The following BPHL variants were observed in gnomAD, a reference collection of about 807,000 sequenced individuals.
The protein encoded by BPHL is serine hydrolase BPHL.
Under a neutral mutation model 31.2 loss-of-function variants are expected in BPHL, and 27 were observed. The observed-to-expected ratio is 0.87, with a 90% CI of 0.64 to 1.19. BPHL has a LOEUF of 1.19. BPHL is among the 50% of genes most tolerant of loss of function. The probability of loss-of-function intolerance (pLI) is 0.00; values close to 1 mark genes in which losing one functional copy is unlikely to be tolerated. For missense variants in BPHL, 356 were observed against 375.7 expected (o/e 0.95, Z 0.43); for synonymous variants, 150 against 146.8 (o/e 1.02, Z -0.16).
intron 2 of BPHL, among the ~76,000 whole-genome samples, chr6:3,126,578 C>T (rs1001816852): frequency 1.3e-5 from 2 of 149,162 alleles, no homozygotes; most frequent in African/African-American, 5.0e-5. Context: ...GGAAAGGAAG[C>T]GCGCCTCCTT....
In BPHL at chr6:3,118,837, G is replaced by T; in HGVS notation, c.97G>T (p.Ala33Ser). The change falls in exon 1 of 7, where the codon GCC becomes TCC. Residue 33 changes from alanine (A) to serine (S), a missense_variant. Physicochemically the swap from Ala to Ser is moderately conservative, Grantham distance 99 (BLOSUM62 1). Coordinates refer to ENST00000380379, the MANE Select transcript of BPHL (RefSeq NM_004332.4). ...CCACGTCCCACGGGCCGGACCCGCG[G>T]CCGCGTTCGGGTAATGGCGGCCACC... is the stretch of plus-strand genomic sequence containing the variant. ...GIHVPRAGPAAAFGTSVTSAK... is the reference protein window; with the variant it reads ...GIHVPRAGPASAFGTSVTSAK... 8.1e-7 allele frequency: 1 copy of T among 1,239,658 alleles called. No individual in the cohort carries two copies. The allele number at this position is 1,239,658 out of a possible 1,614,324, so 76.8% of individuals were successfully genotyped here.
In BPHL at chr6:3,150,881, A is replaced by G. The variant is rs1762504115; in HGVS notation, c.789-1607A>G. Among the ~76,000 whole-genome samples the G allele has an allele frequency of 2.0e-5, 3 of 152,236 alleles. No individual in the cohort carries two copies. The South Asian group carries it at 6.2e-4, about 32-fold the overall frequency. On this transcript the variant is annotated intron_variant, in intron 6 of 6. Coordinates refer to ENST00000380379, the MANE Select transcript of BPHL (RefSeq NM_004332.4). ...CATACTCTCTTCTATCTGTCTGTCC[A>G]TCTGTCTATTCATCCATTCATCCAT... is the stretch of plus-strand genomic sequence containing the variant.
Position 3,137,514 on chromosome 6 carries a change from G to A in BPHL, c.664+21G>A, listed in dbSNP as rs371139541. 8.6e-5 allele frequency: 139 copies of A among 1,613,448 alleles called. No homozygotes were observed. In the African/African-American group the frequency reaches 1.7e-3, roughly 19 times the overall value. The stretch of plus-strand genomic sequence containing the variant: ...AGATGGTAGGTTACTGGGCTTGAAG[G>A]GCTCTCTGCCTGTTATAGAGGGTGC... On this transcript the variant is annotated intron_variant, in intron 5 of 6. Coordinates refer to ENST00000380379, the MANE Select transcript of BPHL (RefSeq NM_004332.4).
chr6:3,137,629 A>T (rs1231051260), intron 5 of BPHL, 136 bp downstream of exon 5: 1 of 1,306,228 alleles, frequency 7.7e-7, no homozygotes, highest in Non-Finnish European at 1.1e-6. Flanking sequence ...AGAACAGAGA[A>T]TACTAGTTCT....
intron 2 of BPHL, chr6:3,126,921 A>AT (rs34930913): frequency 0.03 from 3,028 of 100,098 alleles, 93 homozygotes; most frequent in African/African-American, 0.073. Context: ...GCCCGGCTAC[A>AT]TTTTTTTTTT....
upstream of BPHL, chr6:3,118,541 C>T: frequency 7.5e-6 from 3 of 399,720 alleles, no homozygotes; most frequent in Non-Finnish European, 1.3e-5. Context: ...TCCAGGACTG[C>T]GAAACCACGA....
At chr6:3,143,868 TCGA>T (rs779928414) in intron 6 of BPHL, among the ~76,000 whole-genome samples, 206 of 152,324 alleles carry the variant, frequency 1.4e-3, no homozygotes, top group Non-Finnish European at 2.6e-3. Flanking sequence ...GGTTTCAGAC[TCGA>T]CTGCAAACGA....
intron 4 of BPHL, among the ~76,000 whole-genome samples, chr6:3,134,353 C>T (rs886772127): frequency 6.6e-6 from 1 of 151,586 alleles, no homozygotes; most frequent in Non-Finnish European, 1.5e-5. Flanking sequence ...TGGCTTTTGC[C>T]TTTTTCTTTA....
intron 4 of BPHL, among the ~76,000 whole-genome samples, chr6:3,134,995 C>G (rs1302026053): frequency 6.6e-6 from 1 of 152,224 alleles, no homozygotes; most frequent in African/African-American, 2.4e-5. Flanking sequence ...CCTCAACCTT[C>G]CGAAGTGCTG....
chr6:3,146,415 T>G (rs28638152), intron 6 of BPHL, among the ~76,000 whole-genome samples: 18 of 96,930 alleles, frequency 1.9e-4, no homozygotes, highest in Admixed American at 5.6e-4. Flanking sequence ...TGGTTTGGGT[T>G]GAGTGCTGGT....
chr6:3,151,933 G>T (rs1762535209), intron 6 of BPHL, among the ~76,000 whole-genome samples: 1 of 152,182 alleles, frequency 6.6e-6, no homozygotes, highest in Admixed American at 6.5e-5. Flanking sequence ...TTGTCTGGCG[G>T]CTTGTATTCA....
At position 3,140,316 on chromosome 6, in the gene BPHL, G is replaced by A. The variant is rs552087697; in HGVS notation, c.665-70G>A. On this transcript the variant is annotated intron_variant, in intron 5 of 6. Transcript: ENST00000380379. The surrounding 1 kb of genome is among the most constrained non-coding windows in gnomAD (Gnocchi z 5.2). Reference sequence around the variant, plus strand: ...GGGCCAAGGAGGGGCAGGGCTCGCCGAGTTTCGCCTCCTCTGACCGCGTAG... The same window carrying A: ...GGGCCAAGGAGGGGCAGGGCTCGCCAAGTTTCGCCTCCTCTGACCGCGTAG... 330 of 1,579,256 alleles carry A rather than the reference G, an allele frequency of 2.1e-4. No homozygotes were observed. Among genetic ancestry groups the A allele is most frequent in the Non-Finnish European group, 2.7e-4 (309 of 1,158,146 alleles).
chr6:3,127,011 T>C (rs1761733894), intron 2 of BPHL: 1 of 323,604 alleles, frequency 3.1e-6, no homozygotes, highest in East Asian at 4.9e-5. Flanking sequence ...GCTCAGGCAG[T>C]CCGCCCGCCT....
chr6:3,129,613 G>T (rs1761813184), intron 4 of BPHL, among the ~76,000 whole-genome samples: 1 of 152,128 alleles, frequency 6.6e-6, no homozygotes, highest in South Asian at 2.1e-4. Context: ...GGTCGAGGCT[G>T]CAGTGAGCCA....
chr6:3,140,388 A>G lies in BPHL; in HGVS notation c.667A>G (p.Asn223Asp). The G allele has an allele frequency of 1.2e-6, 2 of 1,614,144 alleles. No homozygotes were observed. Among genetic ancestry groups the G allele is most frequent in the Non-Finnish European group, 1.7e-6 (2 of 1,180,016 alleles). Reference sequence around the variant, plus strand: ...TCCTCGTGCTGTGTATCCGTCAGGTAACATCTGCCGGCACCTGCTGCCCCG... The same window carrying G: ...TCCTCGTGCTGTGTATCCGTCAGGTGACATCTGCCGGCACCTGCTGCCCCG... ...IRQFKHLPDG[N>D]ICRHLLPRVQ... Residue 223 changes from asparagine (N) to aspartate (D), a missense_variant and splice_region_variant, in exon 6 of 7, where the codon AAC becomes GAC. Asn to Asp is a conservative substitution (Grantham distance 23). Coordinates refer to ENST00000380379, the MANE Select transcript of BPHL (RefSeq NM_004332.4). This position sits in a 1 kb window ranked among gnomAD's most constrained non-coding sequence, Gnocchi z 5.2.
At chr6:3,136,448 C>T (rs1403191525) in intron 4 of BPHL, among the ~76,000 whole-genome samples, 1 of 152,204 alleles carries the variant, frequency 6.6e-6, no homozygotes, top group Non-Finnish European at 1.5e-5. Context: ...CAAAGGCAGG[C>T]ACCAGGCACT....
Position 3,118,817 on chromosome 6 carries a change from T to A in BPHL, c.77T>A (p.Val26Asp). The A allele has an allele frequency of 8.0e-7, 1 of 1,243,788 alleles. No individual in the cohort carries two copies. Among genetic ancestry groups the A allele is most frequent in the Non-Finnish European group, 1.0e-6 (1 of 991,240 alleles). 77.0% of individuals were successfully genotyped at this position (1,243,788 alleles called of 1,614,324 possible). Residue 26 changes from valine (V) to aspartate (D), a missense_variant, in exon 1 of 7, where the codon GTC becomes GAC. Physicochemically the swap from Val to Asp is radical, Grantham distance 152. Coordinates refer to ENST00000380379, the MANE Select transcript of BPHL (RefSeq NM_004332.4). ...TCAGCGCTGAAGCCCGGGATCCACGTCCCACGGGCCGGACCCGCGGCCGCG... is the reference window on the plus strand; with the variant it reads ...TCAGCGCTGAAGCCCGGGATCCACGACCCACGGGCCGGACCCGCGGCCGCG... Reference protein sequence around the residue: ...LLSALKPGIHVPRAGPAAAFG... With the variant: ...LLSALKPGIHDPRAGPAAAFG...
intron 6 of BPHL, among the ~76,000 whole-genome samples, chr6:3,151,839 G>A (rs547220001): frequency 1.4e-3 from 217 of 152,348 alleles, no homozygotes; most frequent in Admixed American, 3.8e-3. Context: ...CAGTGTGTTT[G>A]CTACAATGCT....
intron 4 of BPHL, among the ~76,000 whole-genome samples, chr6:3,131,492 T>G (rs1344626405): frequency 6.6e-6 from 1 of 152,144 alleles, no homozygotes; most frequent in Non-Finnish European, 1.5e-5. Context: ...CTCTCTTCTT[T>G]CCCCACATTC....
Sources: gnomAD v4.1 joint callset for allele counts (sites outside exome capture counted in the v4.1 genomes callset) on GRCh38, gnomAD v4.1.1 for gene constraint, Gnocchi (gnomAD v3.1) non-coding constraint, MANE v1.5 for transcripts, NCBI Gene and HGNC (gene_info 2026-07-23, HGNC 2026-07-21) for gene names.